ACTN1: variants seen among roughly 807,000 people sequenced by gnomAD.
The protein encoded by ACTN1 is actinin alpha 1.
Under a neutral mutation model 119.6 loss-of-function variants are expected in ACTN1, and 30 were observed. The ratio of observed to expected loss-of-function variants is 0.25; its 90% CI spans 0.19 to 0.34. The LOEUF (loss-of-function observed/expected upper bound fraction) is 0.34, where lower values mean the gene tolerates loss of function less well. Among genes scored for constraint, ACTN1 ranks in the 10% least tolerant of loss-of-function variants. The pLI is 1.00. For missense variants in ACTN1, 764 were observed against 1,223.4 expected, an observed-to-expected ratio of 0.62 and a Z score of 5.60; for synonymous variants, 429 against 472.6, an observed-to-expected ratio of 0.91 and a Z score of 1.20.
At chr14:68,975,376 A>C (rs1471605959) in intron 1 of ACTN1, among the ~76,000 whole-genome samples, 1 of 152,226 alleles carries the variant, frequency 6.6e-6, no homozygotes, top group East Asian at 1.9e-4. Flanking sequence ...AAAATTTAAC[A>C]GCAGAAGCTG....
rs1407517410 is a variant in ACTN1, at chr14:68,885,059, G to A, written c.1386-176C>T. Among the ~76,000 whole-genome samples, 1 of 152,144 alleles carries A rather than the reference G, an allele frequency of 6.6e-6. No individual in the cohort carries two copies. Among genetic ancestry groups the A allele is most frequent in the Non-Finnish European group, 1.5e-5 (1 of 68,018 alleles). On this transcript the variant is annotated intron_variant, in intron 12 of 21. Coordinates refer to ENST00000394419, the MANE Select transcript of ACTN1 (RefSeq NM_001130004.2). The surrounding 1 kb of genome is among the most constrained non-coding windows in gnomAD (Gnocchi z 5.6). ...CCTCCCCTCTTTCAGGAGACTGGCA[G>A]AGAGGAGACCAAAGAAGACCCCTTT... is the stretch of plus-strand genomic sequence containing the variant.
chr14:68,906,186 G>A (rs547021994), intron 6 of ACTN1, among the ~76,000 whole-genome samples: 4 of 152,258 alleles, frequency 2.6e-5, no homozygotes, highest in Admixed American at 6.5e-5. Context: ...GTGAGTGTAC[G>A]GAATACCCCT....
At chr14:68,887,848 T>A in intron 11 of ACTN1, 1 of 836,880 alleles carries the variant, frequency 1.2e-6, no homozygotes, top group Non-Finnish European at 2.1e-6. Context: ...CACTTTTCAT[T>A]TCCCCGTTTT....
chr14:68,920,436 A>G (rs2034573926), intron 3 of ACTN1, among the ~76,000 whole-genome samples: 1 of 152,222 alleles, frequency 6.6e-6, no homozygotes, highest in Non-Finnish European at 1.5e-5. Context: ...AGCCACCACC[A>G]TGCACACAAG....
At chr14:68,928,295 A>G (rs2035029883) in intron 1 of ACTN1, among the ~76,000 whole-genome samples, 1 of 152,214 alleles carries the variant, frequency 6.6e-6, no homozygotes, top group Non-Finnish European at 1.5e-5. Flanking sequence ...CCTGGGAAAC[A>G]AAACACACCT....
At chr14:68,932,078 C>T (rs1177517231) in intron 1 of ACTN1, among the ~76,000 whole-genome samples, 2 of 151,786 alleles carry the variant, frequency 1.3e-5, no homozygotes, top group Non-Finnish European at 2.9e-5. Context: ...TATTGATTGT[C>T]AACTTGATTG....
chr14:68,939,447 T>C (rs1195947762), intron 1 of ACTN1, among the ~76,000 whole-genome samples: 1 of 151,980 alleles, frequency 6.6e-6, no homozygotes. Flanking sequence ...AAAATAGTAA[T>C]AATAAAATAA....
intron 8 of ACTN1, among the ~76,000 whole-genome samples, chr14:68,898,560 G>A (rs1055567537): frequency 3.9e-5 from 6 of 152,226 alleles, no homozygotes; most frequent in South Asian, 2.1e-4. Context: ...GTGCCAGCCC[G>A]GAGACAGACA....
At chr14:68,937,155 T>G (rs1194257067) in intron 1 of ACTN1, among the ~76,000 whole-genome samples, 4 of 152,120 alleles carry the variant, frequency 2.6e-5, no homozygotes, top group African/African-American at 9.7e-5. Flanking sequence ...GCAGTCCATT[T>G]GATACCATTT....
chr14:68,925,450 A>G lies in ACTN1; in HGVS notation c.220+108T>C, dbSNP rs879061243. 2.4e-4 allele frequency: 182 copies of G among 758,170 alleles called. No homozygotes were observed. The highest frequency in any genetic ancestry group is 1.5e-3 in the South Asian group (69 of 45,264). 47.0% of individuals were successfully genotyped at this position (758,170 alleles called of 1,614,324 possible). On this transcript the variant is annotated intron_variant, in intron 2 of 21. Coordinates refer to ENST00000394419, the MANE Select transcript of ACTN1 (RefSeq NM_001130004.2). This position sits in a 1 kb window ranked among gnomAD's most constrained non-coding sequence, Gnocchi z 4.3. ...GATGAATTCATACATGTCATCCCCAACTTGTTTCAAGAGACCAAAACCAGC... is the reference window on the plus strand; with the variant it reads ...GATGAATTCATACATGTCATCCCCAGCTTGTTTCAAGAGACCAAAACCAGC...
Position 68,880,112 on chromosome 14 carries a change from C to A in ACTN1, c.2134-4G>T. ...GCTCCCAGCCCACACGGATGTGCTG[C>A]AGGACGGCAAGGGGCCTGTCAGCAA... is the stretch of plus-strand genomic sequence containing the variant. On this transcript the variant is annotated splice_polypyrimidine_tract_variant and splice_region_variant and intron_variant, in intron 17 of 21. Coordinates refer to ENST00000394419, the MANE Select transcript of ACTN1 (RefSeq NM_001130004.2). This position sits in a 1 kb window ranked among gnomAD's most constrained non-coding sequence, Gnocchi z 4.6. 6.2e-7 allele frequency: 1 copy of A among 1,613,330 alleles called. No homozygotes were observed. Among genetic ancestry groups the A allele is most frequent in the Non-Finnish European group, 8.5e-7 (1 of 1,179,566 alleles).
intron 1 of ACTN1, among the ~76,000 whole-genome samples, chr14:68,939,944 G>C (rs370573328): frequency 6.6e-6 from 1 of 152,206 alleles, no homozygotes; most frequent in Non-Finnish European, 1.5e-5. Context: ...CCTCTCGGGG[G>C]ACTGATGTAA....
chr14:68,910,909 T>C (rs2033970322), intron 4 of ACTN1, among the ~76,000 whole-genome samples: 1 of 152,228 alleles, frequency 6.6e-6, no homozygotes, highest in Admixed American at 6.5e-5. Context: ...CTTGCTCTTC[T>C]GCAATGACTG....
At position 68,925,696 on chromosome 14, in the gene ACTN1, G is replaced by T. The variant is rs375804030; in HGVS notation, c.106-24C>A. The T allele has an allele frequency of 9.4e-6, 15 of 1,590,640 alleles. No homozygotes were observed. The highest frequency in any genetic ancestry group is 1.3e-5 in the Non-Finnish European group (15 of 1,162,138). Reference sequence around the variant, plus strand: ...GTCTGGGCAGAGACAAGAAGGGCAAGTGGTCAGGGGGCTGGTGTTGTCACC... The same window carrying T: ...GTCTGGGCAGAGACAAGAAGGGCAATTGGTCAGGGGGCTGGTGTTGTCACC... On this transcript the variant is annotated intron_variant, in intron 1 of 21. Coordinates refer to ENST00000394419, the MANE Select transcript of ACTN1 (RefSeq NM_001130004.2). The surrounding 1 kb of genome is among the most constrained non-coding windows in gnomAD (Gnocchi z 4.3).
rs541843609 is a variant in ACTN1 at position 68,909,787 on chromosome 14, C to T, written c.515+168G>A. Among the ~76,000 whole-genome samples the T allele has an allele frequency of 2.6e-5, 4 of 152,222 alleles. No homozygotes were observed. The highest frequency in any genetic ancestry group is 2.1e-4 in the South Asian group (1 of 4,824). ...ATCTAAGACACTGCAGGGAGAGAGA[C>T]GGGGGGATTCAGAGCGATGGCGACA... On this transcript the variant is annotated intron_variant, in intron 5 of 21. Coordinates refer to ENST00000394419, the MANE Select transcript of ACTN1 (RefSeq NM_001130004.2). This position sits in a 1 kb window ranked among gnomAD's most constrained non-coding sequence, Gnocchi z 4.1.
intron 1 of ACTN1, among the ~76,000 whole-genome samples, chr14:68,946,261 G>T (rs1242194879): frequency 6.6e-6 from 1 of 152,122 alleles, no homozygotes; most frequent in African/African-American, 2.4e-5. Context: ...CTCCTTAAGG[G>T]CCTCTTAAGG....
chr14:68,957,250 G>A (rs1328834074), intron 1 of ACTN1, among the ~76,000 whole-genome samples: 3 of 152,152 alleles, frequency 2.0e-5, no homozygotes, highest in Non-Finnish European at 4.4e-5. Flanking sequence ...TTCCATGCAT[G>A]GTAAGAGGGG....
At chr14:68,923,552 G>T (rs1025650000) in intron 2 of ACTN1, among the ~76,000 whole-genome samples, 4 of 152,106 alleles carry the variant, frequency 2.6e-5, no homozygotes, top group Non-Finnish European at 5.9e-5. Flanking sequence ...GCTCACACCT[G>T]CAATCCCAGC....
intron 21 of ACTN1, among the ~76,000 whole-genome samples, chr14:68,876,785 G>A (rs940296451): frequency 6.6e-6 from 1 of 152,116 alleles, no homozygotes; most frequent in Non-Finnish European, 1.5e-5. Context: ...CCAAGAGTCC[G>A]ATCACACATC....
Sources: gnomAD v4.1 joint callset for allele counts (sites outside exome capture counted in the v4.1 genomes callset) on GRCh38, gnomAD v4.1.1 for gene constraint, Gnocchi (gnomAD v3.1) non-coding constraint, MANE v1.5 for transcripts, NCBI Gene and HGNC (gene_info 2026-07-23, HGNC 2026-07-21) for gene names.